The following THSD7B variants were observed in gnomAD, a reference collection of about 807,000 sequenced individuals.
The protein encoded by THSD7B is thrombospondin type 1 domain containing 7B, also known as thrombospondin type-1 domain-containing protein 7B.
Under a neutral mutation model 213.6 loss-of-function variants are expected in THSD7B, and 138 were observed. That is an observed-to-expected ratio of 0.65 (90% CI 0.56 to 0.74). THSD7B has a LOEUF of 0.74. Ranked by LOEUF, THSD7B falls within the 30% of genes least tolerant of loss-of-function variation. THSD7B has a pLI of 0.00. For missense variants in THSD7B, 1,931 were observed against 1,991.5 expected (o/e 0.97, Z 0.58); for synonymous variants, 742 against 687.0 (o/e 1.08, Z -1.25).
chr2:137,127,702 A>C (rs1353039039), intron 5 of THSD7B, among the ~76,000 whole-genome samples: 2 of 152,130 alleles, frequency 1.3e-5, no homozygotes, highest in Non-Finnish European at 2.9e-5. Flanking sequence ...GGATTTCTTG[A>C]GGTCAAGAGT....
chr2:137,589,498 T>C (rs1415972105), intron 17 of THSD7B, among the ~76,000 whole-genome samples: 1 of 152,214 alleles, frequency 6.6e-6, no homozygotes, highest in Non-Finnish European at 1.5e-5. Context: ...GTAGATATTT[T>C]ACATTGTTTA....
intron 12 of THSD7B, among the ~76,000 whole-genome samples, chr2:137,304,388 T>G (rs897122813): frequency 2.0e-5 from 3 of 152,114 alleles, no homozygotes; most frequent in African/African-American, 7.2e-5. Context: ...TGATAAAGCC[T>G]TTGCCTCATG....
intron 12 of THSD7B, among the ~76,000 whole-genome samples, chr2:137,353,406 G>T (rs536301569): frequency 6.6e-6 from 1 of 152,208 alleles, no homozygotes; most frequent in South Asian, 2.1e-4. Context: ...ATGGGCAGTG[G>T]TCTGCGCATC....
chr2:137,213,152 G>T (rs6730961), intron 7 of THSD7B, among the ~76,000 whole-genome samples: 1 of 150,958 alleles, frequency 6.6e-6, no homozygotes, highest in South Asian at 2.1e-4. Flanking sequence ...TATATTGGGA[G>T]CACACAACCA....
intron 17 of THSD7B, among the ~76,000 whole-genome samples, chr2:137,610,652 A>G (rs936754676): frequency 2.0e-5 from 3 of 152,116 alleles, no homozygotes; most frequent in Non-Finnish European, 4.4e-5. Context: ...AGTTAAGCCT[A>G]ATTTATCTAG....
At chr2:137,051,915 G>T (rs1687077708) in intron 2 of THSD7B, among the ~76,000 whole-genome samples, 1 of 152,104 alleles carries the variant, frequency 6.6e-6, no homozygotes, top group Non-Finnish European at 1.5e-5. Flanking sequence ...TTTCTTAAAT[G>T]TGATGATTTA....
At chr2:137,518,204 G>A (rs911081980) in intron 15 of THSD7B, among the ~76,000 whole-genome samples, 1 of 152,128 alleles carries the variant, frequency 6.6e-6, no homozygotes, top group African/African-American at 2.4e-5. Context: ...TGGCCTCATG[G>A]GGAGTTCCCT....
chr2:137,460,495 T>C (rs892124465), intron 15 of THSD7B, among the ~76,000 whole-genome samples: 1 of 152,132 alleles, frequency 6.6e-6, no homozygotes, highest in Non-Finnish European at 1.5e-5. Flanking sequence ...ATTTATCTCA[T>C]GGAGCATTTG....
intron 4 of THSD7B, among the ~76,000 whole-genome samples, chr2:137,110,136 C>T (rs1688322107): frequency 6.6e-6 from 1 of 152,170 alleles, no homozygotes; most frequent in African/African-American, 2.4e-5. Flanking sequence ...TCTCTCTCCC[C>T]ACCTGGTAAC....
rs190025686 is a variant in THSD7B, at chr2:137,085,760, C to T, written c.951-9113C>T. On this transcript the variant is annotated intron_variant, in intron 3 of 27. Coordinates refer to ENST00000409968, the MANE Select transcript of THSD7B (RefSeq NM_001316349.2). ...AAAATTTTCTAAATGAAAAAATATG[C>T]GAGCATAGATTTATAGCATTGGGAT... Among the ~76,000 whole-genome samples the T allele has an allele frequency of 9.4e-4, 143 of 151,758 alleles. 1 individual carries two copies. Among genetic ancestry groups the T allele is most frequent in the African/African-American group, 2.8e-3 (115 of 41,358 alleles).
intron 21 of THSD7B, among the ~76,000 whole-genome samples, chr2:137,648,535 T>C (rs62168462): frequency 0.086 from 13,099 of 152,214 alleles, 660 homozygotes; most frequent in Middle Eastern, 0.16. Flanking sequence ...TCCATTTATG[T>C]TTCTGCAAAT....
intron 12 of THSD7B, among the ~76,000 whole-genome samples, chr2:137,391,393 C>A (rs1029517795): frequency 1.3e-5 from 2 of 151,434 alleles, no homozygotes; most frequent in African/African-American, 4.9e-5. Context: ...TTTTTAAAAT[C>A]TTTTTAAAGA....
At position 137,427,725 on chromosome 2, in the gene THSD7B, A is replaced by G. The variant is rs572363436; in HGVS notation, c.2959+15853A>G. On this transcript the variant is annotated intron_variant, in intron 14 of 27. Transcript: ENST00000409968. ...TGATCAAAGCGTACAAACTTGCAGT[A>G]ATGAGATGAATAAGTTCTGTAAAAC... Among the ~76,000 whole-genome samples, 7 of 152,266 alleles carry G rather than the reference A, an allele frequency of 4.6e-5. No individual in the cohort carries two copies. In the South Asian group the frequency reaches 1.5e-3, roughly 32 times the overall value.
intron 2 of THSD7B, among the ~76,000 whole-genome samples, chr2:137,003,264 T>G (rs887555316): frequency 1.1e-4 from 17 of 152,184 alleles, no homozygotes; most frequent in African/African-American, 4.1e-4. Context: ...CCTGCTCCTT[T>G]AGAACAATCT....
At position 137,445,365 on chromosome 2, in the gene THSD7B, C is replaced by T. The variant is rs148427230; in HGVS notation, c.2960-5480C>T. ...ATATGGAATCCACCTAAGTGCCCAT[C>T]AACAGATGGCTGGATAAAGAAAATA... On this transcript the variant is annotated intron_variant, in intron 14 of 27. Coordinates refer to ENST00000409968, the MANE Select transcript of THSD7B (RefSeq NM_001316349.2). 2.0e-5 allele frequency among the ~76,000 whole-genome samples: 3 copies of T among 152,054 alleles called. No homozygotes were observed. In the South Asian group the frequency reaches 6.2e-4, roughly 32 times the overall value.
chr2:136,825,718 A>ATTTTTTTTTTTTTTTGTTTTT (rs1682635785), intron 1 of THSD7B, among the ~76,000 whole-genome samples: 1 of 116,896 alleles, frequency 8.6e-6, no homozygotes, highest in Non-Finnish European at 1.7e-5. Flanking sequence ...TGCCTGGCTA[A>ATTTTTTTTTTTTTTTGTTTTT]TTTTTTTTTT....
At chr2:136,775,875 A>T (rs1204009815) in intron 1 of THSD7B, among the ~76,000 whole-genome samples, 1 of 152,140 alleles carries the variant, frequency 6.6e-6, no homozygotes, top group Non-Finnish European at 1.5e-5. Flanking sequence ...GCATCAGATC[A>T]TCAAGAAGAC....
Position 137,387,923 on chromosome 2 carries a change from C to T in THSD7B, c.2501-17690C>T, listed in dbSNP as rs78840073. Reference sequence around the variant, plus strand: ...TGTTATCTCTCTACCTGCCTGTCACCGACACCACTGTGGCCTCCCAGAAGC... The same window carrying T: ...TGTTATCTCTCTACCTGCCTGTCACTGACACCACTGTGGCCTCCCAGAAGC... On this transcript the variant is annotated intron_variant, in intron 12 of 27. Transcript: ENST00000409968. Among the ~76,000 whole-genome samples the T allele has an allele frequency of 2.4e-4, 37 of 152,188 alleles. No homozygotes were observed. In the East Asian group the frequency reaches 6.6e-3, roughly 27 times the overall value.
intron 5 of THSD7B, among the ~76,000 whole-genome samples, chr2:137,130,988 C>T (rs1396058730): frequency 6.6e-6 from 1 of 151,296 alleles, no homozygotes; most frequent in Admixed American, 6.6e-5. Context: ...AGTTTACAGT[C>T]CCACCAACAG....
Sources: gnomAD v4.1 joint callset for allele counts (sites outside exome capture counted in the v4.1 genomes callset) on GRCh38, gnomAD v4.1.1 for gene constraint, MANE v1.5 for transcripts, NCBI Gene and HGNC (gene_info 2026-07-23, HGNC 2026-07-21) for gene names.